The following TYR variants were observed in gnomAD, a reference collection of about 807,000 sequenced individuals.
TYR encodes tyrosinase.
In TYR, 58 loss-of-function variants were observed where a neutral mutation model predicts 51.5. The observed-to-expected ratio is 1.13, with a 90% CI of 0.91 to 1.40. The LOEUF (loss-of-function observed/expected upper bound fraction) is 1.40, where lower values mean the gene tolerates loss of function less well. Ranked by LOEUF, TYR falls within the 40% of genes most tolerant of loss-of-function variation. TYR has a pLI of 0.00. For synonymous variants in TYR, 263 were observed against 235.2 expected, an observed-to-expected ratio of 1.12 and a Z score of -1.08; for missense variants, 732 against 647.4, an observed-to-expected ratio of 1.13 and a Z score of -1.42.
At chr11:89,250,687 T>C (rs573848582) in intron 3 of TYR, among the ~76,000 whole-genome samples, 1 of 151,934 alleles carries the variant, frequency 6.6e-6, no homozygotes, top group Non-Finnish European at 1.5e-5. Flanking sequence ...GTCTTCCCTG[T>C]CTGTGTGTCT....
At chr11:89,227,723 A>G in intron 2 of TYR, 100 bp from the exon 3 acceptor site, 2 of 1,028,270 alleles carry the variant, frequency 1.9e-6, no homozygotes, top group Non-Finnish European at 2.9e-6. Flanking sequence ...TTATATTTTG[A>G]AACAGTCTTC....
intron 2 of TYR, among the ~76,000 whole-genome samples, chr11:89,199,130 T>C (rs1033136085): frequency 1.4e-4 from 22 of 152,322 alleles, no homozygotes; most frequent in African/African-American, 5.3e-4. Context: ...ATGGTGTATA[T>C]GTGCCACATT....
chr11:89,209,797 G>A (rs867796800), intron 2 of TYR, among the ~76,000 whole-genome samples: 1 of 151,962 alleles, frequency 6.6e-6, no homozygotes, highest in Non-Finnish European at 1.5e-5. Context: ...TGTTCTGCAG[G>A]CTCCATTGGT....
chr11:89,219,710 G>A (rs1463473617), intron 2 of TYR, among the ~76,000 whole-genome samples: 1 of 152,088 alleles, frequency 6.6e-6, no homozygotes, highest in South Asian at 2.1e-4. Context: ...TGTGGGTATT[G>A]GGTCTTATAC....
chr11:89,259,805 A>G (rs1194154628), intron 3 of TYR, among the ~76,000 whole-genome samples: 1 of 152,106 alleles, frequency 6.6e-6, no homozygotes, highest in African/African-American at 2.4e-5. Context: ...TGACAGAACC[A>G]TATGTAACTT....
chr11:89,211,135 A>C (rs1193013116), intron 2 of TYR, among the ~76,000 whole-genome samples: 1 of 152,158 alleles, frequency 6.6e-6, no homozygotes, highest in Non-Finnish European at 1.5e-5. Context: ...ATGTAAATGG[A>C]GTAAATGCCC....
chr11:89,209,803 T>C lies in TYR; in HGVS notation c.1037-18020T>C, dbSNP rs568303734. Among the ~76,000 whole-genome samples the C allele has an allele frequency of 7.2e-5, 11 of 152,108 alleles. No individual in the cohort carries two copies. In the South Asian group the frequency reaches 2.1e-3, roughly 29 times the overall value. On this transcript the variant is annotated intron_variant, in intron 2 of 4. Coordinates refer to ENST00000263321, the MANE Select transcript of TYR (RefSeq NM_000372.5). ...AATATTTGCTGTTCTGCAGGCTCCA[T>C]TGGTGATACCCAGGCAAACAGGGTC...
At position 89,178,496 on chromosome 11, in the gene TYR, T is replaced by C. The variant is rs201078577; in HGVS notation, c.543T>C (p.Tyr181=). 1.5e-5 allele frequency: 25 copies of C among 1,614,176 alleles called. No individual in the cohort carries two copies. The highest frequency in any genetic ancestry group is 1.9e-5 in the Non-Finnish European group (23 of 1,180,032). ...ATGACCTCTTTGTCTGGATGCATTA[T>C]TATGTGTCAATGGATGCACTGCTTG... ...NIYDLFVWMH[Y]YVSMDALLGG... is the part of the protein sequence containing the mutation. The change falls in exon 1 of 5, where the codon TAT becomes TAC. Residue 181 remains tyrosine (Y), a synonymous_variant. Transcript: ENST00000263321.
At chr11:89,284,710 A>G (rs1944760170) in intron 3 of TYR, 63 bp from the exon 4 acceptor site, 28 of 1,525,332 alleles carry the variant, frequency 1.8e-5, no homozygotes, top group Non-Finnish European at 2.4e-5. Flanking sequence ...TACTTTAAAA[A>G]TTTTCAAATG....
intron 4 of TYR, among the ~76,000 whole-genome samples, chr11:89,289,286 C>A (rs1944829981): frequency 6.6e-6 from 1 of 152,156 alleles, no homozygotes; most frequent in East Asian, 1.9e-4. Flanking sequence ...GTGCCCCATT[C>A]TGCCAATGGA....
At chr11:89,227,180 A>G (rs1943987258) in intron 2 of TYR, among the ~76,000 whole-genome samples, 1 of 152,128 alleles carries the variant, frequency 6.6e-6, no homozygotes, top group South Asian at 2.1e-4. Context: ...AGCATACTCA[A>G]CATTTAGAAA....
chr11:89,223,612 A>T (rs375952717), intron 2 of TYR, among the ~76,000 whole-genome samples: 1 of 152,140 alleles, frequency 6.6e-6, no homozygotes, highest in Admixed American at 6.6e-5. Flanking sequence ...TAAGTGAAAG[A>T]TTGAGAGTAT....
chr11:89,217,835 T>G lies in TYR; in HGVS notation c.1037-9988T>G, dbSNP rs76855989. On this transcript the variant is annotated intron_variant, in intron 2 of 4. Transcript: ENST00000263321. ...ACTCTTTCTGAAATAGTTTCCCATG[T>G]TATCCCATTTTCTACTACATGGAAA... is the stretch of plus-strand genomic sequence containing the variant. Among the ~76,000 whole-genome samples the G allele has an allele frequency of 8.7e-5, 13 of 149,966 alleles. No individual in the cohort carries two copies. In the East Asian group the frequency reaches 2.5e-3, roughly 29 times the overall value.
At chr11:89,211,837 C>T (rs143165155) in intron 2 of TYR, among the ~76,000 whole-genome samples, 26 of 152,258 alleles carry the variant, frequency 1.7e-4, no homozygotes, top group Middle Eastern at 3.4e-3. Flanking sequence ...CAACCTGCTC[C>T]TAAATGACTG....
intron 4 of TYR, among the ~76,000 whole-genome samples, chr11:89,293,251 T>A (rs1351638242): frequency 6.6e-6 from 1 of 152,068 alleles, no homozygotes; most frequent in Admixed American, 6.6e-5. Flanking sequence ...TGATGGCATC[T>A]CAAAAACATG....
chr11:89,282,562 A>C (rs558811082), intron 3 of TYR, among the ~76,000 whole-genome samples: 2 of 151,646 alleles, frequency 1.3e-5, no homozygotes, highest in South Asian at 2.1e-4. Flanking sequence ...TATTTTCTCT[A>C]TTTTACATAA....
At chr11:89,272,477 C>G (rs553073480) in intron 3 of TYR, among the ~76,000 whole-genome samples, 21 of 151,698 alleles carry the variant, frequency 1.4e-4, no homozygotes, top group Non-Finnish European at 1.9e-4. Context: ...GTGCTGTCAC[C>G]TAAACATTGT....
At chr11:89,269,878 A>T (rs1163844162) in intron 3 of TYR, among the ~76,000 whole-genome samples, 1 of 151,880 alleles carries the variant, frequency 6.6e-6, no homozygotes, top group Non-Finnish European at 1.5e-5. Flanking sequence ...AGCTCCTGGG[A>T]TGCTATTATT....
intron 1 of TYR, among the ~76,000 whole-genome samples, chr11:89,187,059 G>C (rs373107636): frequency 6.6e-6 from 1 of 152,072 alleles, no homozygotes; most frequent in Admixed American, 6.6e-5. Context: ...TTTTCTTATG[G>C]CAGCCTGAAC....
Sources: gnomAD v4.1 joint callset for allele counts (sites outside exome capture counted in the v4.1 genomes callset) on GRCh38, gnomAD v4.1.1 for gene constraint, MANE v1.5 for transcripts, NCBI Gene and HGNC (gene_info 2026-07-23, HGNC 2026-07-21) for gene names.